PSMB7: variants seen among roughly 807,000 people sequenced by gnomAD.
PSMB7 encodes the protein proteasome 20S subunit beta 7.
In PSMB7, 5 loss-of-function variants were observed where a neutral mutation model predicts 28.1. The observed-to-expected ratio is 0.18, with a 90% CI of 0.09 to 0.37. PSMB7 has a LOEUF of 0.37. Ranked by LOEUF, PSMB7 falls within the 10% of genes least tolerant of loss-of-function variation. The pLI is 1.00. For missense variants in PSMB7, 275 were observed against 346.2 expected (o/e 0.79, Z 1.63); for synonymous variants, 122 against 123.7 (o/e 0.99, Z 0.09).
chr9:124,366,274 G>A (rs553267841), intron 6 of PSMB7, among the ~76,000 whole-genome samples: 209 of 152,236 alleles, frequency 1.4e-3, no homozygotes, highest in Non-Finnish European at 1.9e-3. Flanking sequence ...TTAGCTGGGC[G>A]TGGTGATGCG....
intron 6 of PSMB7, among the ~76,000 whole-genome samples, chr9:124,383,037 G>A (rs73666880): frequency 0.015 from 2,335 of 152,286 alleles, 66 homozygotes; most frequent in African/African-American, 0.053. Context: ...TCAAGAGTAC[G>A]CCTCCTTGTA....
chr9:124,413,350 C>T (rs774795839), intron 3 of PSMB7, among the ~76,000 whole-genome samples: 1 of 151,568 alleles, frequency 6.6e-6, no homozygotes, highest in Non-Finnish European at 1.5e-5. Flanking sequence ...AGGGTGATGG[C>T]AACTGAAAAA....
rs776620309 is a variant in PSMB7, at chr9:124,414,972, G to A, written c.63-37C>T. ...TGAGAGAATCAAGTGTTGAAGGGCA[G>A]GACCACATCGCACAGCACTGGCATG... is the stretch of plus-strand genomic sequence containing the variant. On this transcript the variant is annotated intron_variant, in intron 1 of 7. Transcript: ENST00000259457. The A allele has an allele frequency of 5.6e-6, 8 of 1,419,688 alleles. No individual in the cohort carries two copies. The South Asian group carries it at 8.4e-5, about 15-fold the overall frequency. The allele number at this position is 1,419,688 out of a possible 1,614,324, so 87.9% of individuals were successfully genotyped here. A position where few individuals can be genotyped will look rare whatever the true frequency, so the allele number is the denominator to read the frequency against.
At chr9:124,368,524 C>T (rs1449389212) in intron 6 of PSMB7, among the ~76,000 whole-genome samples, 1 of 152,230 alleles carries the variant, frequency 6.6e-6, no homozygotes, top group African/African-American at 2.4e-5. Flanking sequence ...ATCAAAACTA[C>T]ATCCAAACAT....
At chr9:124,385,227 T>G (rs527620118) in intron 5 of PSMB7, among the ~76,000 whole-genome samples, 12 of 152,374 alleles carry the variant, frequency 7.9e-5, no homozygotes, top group African/African-American at 2.6e-4. Flanking sequence ...ATGTGGCATT[T>G]ATTTGGAGCT....
chr9:124,399,684 G>C (rs773378369), intron 5 of PSMB7, among the ~76,000 whole-genome samples: 1 of 152,218 alleles, frequency 6.6e-6, no homozygotes, highest in Non-Finnish European at 1.5e-5. Flanking sequence ...CAAGGAGCTG[G>C]CGCTGAGGAA....
At chr9:124,361,269 CTGTT>C (rs1830463331) in intron 6 of PSMB7, among the ~76,000 whole-genome samples, 1 of 152,202 alleles carries the variant, frequency 6.6e-6, no homozygotes. Context: ...ATAGAGCTAT[CTGTT>C]TGTCTCCATC....
At chr9:124,410,972 CT>C (rs547240004) in intron 4 of PSMB7, among the ~76,000 whole-genome samples, 160 of 147,676 alleles carry the variant, frequency 1.1e-3, no homozygotes, top group Non-Finnish European at 1.4e-3. Flanking sequence ...GAAATCTAGA[CT>C]TTTTTTTTTT....
At chr9:124,354,194 C>T (rs911272159) in intron 7 of PSMB7, among the ~76,000 whole-genome samples, 2 of 152,216 alleles carry the variant, frequency 1.3e-5, no homozygotes, top group Non-Finnish European at 2.9e-5. Flanking sequence ...CAGCCAGACT[C>T]TGGGCTTGTC....
chr9:124,385,357 C>T (rs1422362325), intron 5 of PSMB7, among the ~76,000 whole-genome samples: 3 of 152,164 alleles, frequency 2.0e-5, no homozygotes, highest in Admixed American at 6.5e-5. Context: ...TAGGTATTAA[C>T]GGATAGCAAA....
At chr9:124,412,861 G>C (rs1215077047) in intron 3 of PSMB7, among the ~76,000 whole-genome samples, 1 of 152,080 alleles carries the variant, frequency 6.6e-6, no homozygotes, top group Non-Finnish European at 1.5e-5. Context: ...ATTACACTAA[G>C]CACTGGGAAT....
chr9:124,415,189 G>A, intron 1 of PSMB7, 175 bp downstream of exon 1: 1 of 709,678 alleles, frequency 1.4e-6, no homozygotes, highest in Non-Finnish European at 2.3e-6. Context: ...GAGCAGACCC[G>A]GCTTCAGGAG....
intron 6 of PSMB7, among the ~76,000 whole-genome samples, chr9:124,375,654 GC>G (rs1398126268): frequency 6.6e-6 from 1 of 152,170 alleles, no homozygotes; most frequent in Non-Finnish European, 1.5e-5. Context: ...AAGAAAAACA[GC>G]CTGAAACACC....
chr9:124,384,590 T>G lies in PSMB7; in HGVS notation c.570+8A>C. The stretch of plus-strand genomic sequence containing the variant: ...TGAAAAAGAATAAAACTGCAGGGAC[T>G]TACATACCTCCATGTCTGGCCTAAA... On this transcript the variant is annotated splice_region_variant and intron_variant, in intron 6 of 7. Coordinates refer to ENST00000259457, the MANE Select transcript of PSMB7 (RefSeq NM_002799.4). 6.2e-7 allele frequency: 1 copy of G among 1,609,184 alleles called. No individual in the cohort carries two copies. The highest frequency in any genetic ancestry group is 8.5e-7 in the Non-Finnish European group (1 of 1,177,934).
chr9:124,413,892 AC>A lies in PSMB7; in HGVS notation c.254+15del. 6.5e-7 allele frequency: 1 copy of A among 1,540,418 alleles called. No individual in the cohort carries two copies. Among genetic ancestry groups the A allele is most frequent in the Non-Finnish European group, 9.0e-7 (1 of 1,117,270 alleles). On this transcript the variant is annotated intron_variant, in intron 3 of 7. Transcript: ENST00000259457. ...GTTTGAAAATATAAGAGTTATTCAA[AC>A]GAATCAATACTTACTAAATATTAGG...
chr9:124,400,652 T>A (rs1448819821), intron 5 of PSMB7, among the ~76,000 whole-genome samples: 2 of 152,212 alleles, frequency 1.3e-5, no homozygotes, highest in East Asian at 3.9e-4. Context: ...AACCCAGTTC[T>A]TGCCCTCCCA....
chr9:124,384,377 A>G (rs1830698387), intron 6 of PSMB7, among the ~76,000 whole-genome samples: 1 of 152,164 alleles, frequency 6.6e-6, no homozygotes, highest in Non-Finnish European at 1.5e-5. Context: ...CCAGAGCAAA[A>G]AGCTGGATAG....
At chr9:124,381,462 G>A (rs553296280) in intron 6 of PSMB7, among the ~76,000 whole-genome samples, 2 of 152,292 alleles carry the variant, frequency 1.3e-5, no homozygotes, top group Non-Finnish European at 1.5e-5. Context: ...CAACCCATTC[G>A]AGGTGTGAAA....
intron 6 of PSMB7, among the ~76,000 whole-genome samples, chr9:124,374,664 A>T (rs903599531): frequency 2.6e-5 from 4 of 151,752 alleles, no homozygotes; most frequent in East Asian, 1.9e-4. Context: ...TTATCTAAAA[A>T]TTTTTTTTTA....
Sources: allele counts gnomAD v4.1 joint callset (sites outside exome capture counted in the v4.1 genomes callset), GRCh38; gene constraint gnomAD v4.1.1; transcripts MANE v1.5; gene names NCBI Gene and HGNC (gene_info 2026-07-23, HGNC 2026-07-21).